The following RFX2 variants were observed in gnomAD, a reference collection of about 807,000 sequenced individuals.
RFX2 encodes the protein DNA-binding protein RFX2.
In RFX2, 20 loss-of-function variants were observed where a neutral mutation model predicts 87.8. That is an observed-to-expected ratio of 0.23 (90% CI 0.16 to 0.33). The LOEUF (loss-of-function observed/expected upper bound fraction) is 0.33, where lower values mean the gene tolerates loss of function less well. Ranked by LOEUF, RFX2 falls within the 10% of genes least tolerant of loss-of-function variation. RFX2 has a pLI of 1.00. For synonymous variants in RFX2, 397 were observed against 431.3 expected, an observed-to-expected ratio of 0.92 and a Z score of 0.98; for missense variants, 767 against 1,012.3, an observed-to-expected ratio of 0.76 and a Z score of 3.29.
At position 5,997,520 on chromosome 19, in the gene RFX2, G is replaced by C. The variant is rs1366720172; in HGVS notation, c.1860-307C>G. On this transcript the variant is annotated intron_variant, in intron 15 of 17. Coordinates refer to ENST00000303657, the MANE Select transcript of RFX2 (RefSeq NM_000635.4). This position sits in a 1 kb window ranked among gnomAD's most constrained non-coding sequence, Gnocchi z 4.2. ...GGAAACAACTGTGGCTGGTGCTAGC[G>C]CAGGCGCTAGATGGGATCTTAGCTG... 3 of 334,648 alleles carry C rather than the reference G, an allele frequency of 9.0e-6. No homozygotes were observed. Among genetic ancestry groups the C allele is most frequent in the Non-Finnish European group, 1.6e-5 (3 of 183,204 alleles). The allele number at this position is 334,648 out of a possible 1,614,324, so 20.7% of individuals were successfully genotyped here.
Position 5,997,051 on chromosome 19 carries a change from G to C in RFX2, c.2013+9C>G. ...AAGCCCCGGCCGTCCCACCCAGGAG[G>C]GTCCTCACCTCTCCCATCACAGCGA... On this transcript the variant is annotated intron_variant, in intron 16 of 17. Transcript: ENST00000303657. This position sits in a 1 kb window ranked among gnomAD's most constrained non-coding sequence, Gnocchi z 4.2. 6.2e-7 allele frequency: 1 copy of C among 1,606,462 alleles called. No individual in the cohort carries two copies. The highest frequency in any genetic ancestry group is 1.7e-5 in the Admixed American group (1 of 59,910).
intron 1 of RFX2, among the ~76,000 whole-genome samples, chr19:6,097,232 G>A (rs888125235): frequency 3.3e-5 from 5 of 152,136 alleles, no homozygotes; most frequent in Middle Eastern, 3.2e-3. Context: ...AAGAACGAGC[G>A]GTCCAGGCTA....
intron 1 of RFX2, among the ~76,000 whole-genome samples, chr19:6,087,136 C>T (rs1278281031): frequency 6.6e-6 from 1 of 152,062 alleles, no homozygotes; most frequent in Non-Finnish European, 1.5e-5. Flanking sequence ...GGGGACTGAG[C>T]ACAGGCAGAT....
At position 6,007,130 on chromosome 19, in the gene RFX2, G is replaced by T; in HGVS notation, c.1284C>A (p.Asp428Glu). ...CGCACTGACACAGGGAGATAAGCTT[G>T]TCCTTGGGCAGGACGGCGCCCTCGG... Reference protein sequence around the residue: ...EDPEGAVLPKDKLISLCQCDP... With the variant: ...EDPEGAVLPKEKLISLCQCDP... Residue 428 changes from aspartate to glutamate, a missense_variant, in exon 12 of 18, where the codon GAC (aspartate) becomes GAA (glutamate). Coordinates refer to ENST00000303657, the MANE Select transcript of RFX2 (RefSeq NM_000635.4). The surrounding 1 kb of genome is among the most constrained non-coding windows in gnomAD (Gnocchi z 8.2). 1 of 1,614,132 alleles carries T rather than the reference G, an allele frequency of 6.2e-7. No individual in the cohort carries two copies. Among genetic ancestry groups the T allele is most frequent in the South Asian group, 1.1e-5 (1 of 91,080 alleles).
At chr19:6,003,694 G>A (rs1465464087) in intron 13 of RFX2, among the ~76,000 whole-genome samples, 2 of 146,796 alleles carry the variant, frequency 1.4e-5, no homozygotes, top group African/African-American at 2.5e-5. Flanking sequence ...CAGGAGAATC[G>A]CTTGAACCCG....
In RFX2 at chr19:6,002,641, A is replaced by G. The variant is rs1483105538; in HGVS notation, c.1650+80T>C. ...CTCGGGGCAGGGGCCAGGTTGTGCC[A>G]CGGGCTCCACTTGGTGGGTTTGCTG... On this transcript the variant is annotated intron_variant, in intron 14 of 17. Transcript: ENST00000303657. The surrounding 1 kb of genome is among the most constrained non-coding windows in gnomAD (Gnocchi z 6.7). The G allele has an allele frequency of 6.4e-7, 1 of 1,556,554 alleles. No homozygotes were observed. The highest frequency in any genetic ancestry group is 8.8e-7 in the Non-Finnish European group (1 of 1,139,608).
intron 1 of RFX2, among the ~76,000 whole-genome samples, chr19:6,062,778 C>T (rs1188506603): frequency 6.6e-6 from 1 of 152,192 alleles, no homozygotes; most frequent in East Asian, 1.9e-4. Context: ...AGTAAGTGCT[C>T]TTCATTCATT....
In RFX2 at chr19:6,063,820, A is replaced by C. The variant is rs2087472966; in HGVS notation, c.-8-16316T>G. On this transcript the variant is annotated intron_variant, in intron 1 of 17. Transcript: ENST00000303657. This position sits in a 1 kb window ranked among gnomAD's most constrained non-coding sequence, Gnocchi z 4.0. The stretch of plus-strand genomic sequence containing the variant: ...GCCTCCACCCACTCCATGCCAGGAA[A>C]CCCCCCGACCCCTGTCTGACAGCCA... Among the ~76,000 whole-genome samples, 6 of 151,768 alleles carry C rather than the reference A, an allele frequency of 4.0e-5. No homozygotes were observed. The South Asian group carries it at 1.2e-3, about 32-fold the overall frequency.
Position 6,004,041 on chromosome 19 carries a change from C to T in RFX2, c.1500+160G>A, listed in dbSNP as rs1053151388. Among the ~76,000 whole-genome samples the T allele has an allele frequency of 7.9e-5, 12 of 152,122 alleles. No homozygotes were observed. The highest frequency in any genetic ancestry group is 2.2e-4 in the African/African-American group (9 of 41,438). ...GTTCCCCTTCCTGCCAGCACTGACG[C>T]GTCACCGGCAGTGTGCTCAGGGCTT... On this transcript the variant is annotated intron_variant, in intron 13 of 17. Transcript: ENST00000303657. This position sits in a 1 kb window ranked among gnomAD's most constrained non-coding sequence, Gnocchi z 4.8.
In RFX2 at chr19:5,998,176, C is replaced by T. The variant is rs1000125464; in HGVS notation, c.1860-963G>A. On this transcript the variant is annotated intron_variant, in intron 15 of 17. Coordinates refer to ENST00000303657, the MANE Select transcript of RFX2 (RefSeq NM_000635.4). This position sits in a 1 kb window ranked among gnomAD's most constrained non-coding sequence, Gnocchi z 4.2. The stretch of plus-strand genomic sequence containing the variant: ...TACAAAAATTAGTGAGGCATGGTGG[C>T]ACATGCCTGTAATCCCAGCTACTCG... Among the ~76,000 whole-genome samples the T allele has an allele frequency of 6.6e-6, 1 of 152,130 alleles. No homozygotes were observed.
chr19:6,081,193 T>C (rs2087778707), intron 1 of RFX2, among the ~76,000 whole-genome samples: 2 of 152,184 alleles, frequency 1.3e-5, no homozygotes, highest in Non-Finnish European at 1.5e-5. Context: ...AGACATTCAC[T>C]ACTTTAAAAA....
At chr19:6,008,375 C>CTT (rs112977122) in intron 9 of RFX2, 151 bp from the exon 10 acceptor site, 809 of 397,128 alleles carry the variant, frequency 2.0e-3, no homozygotes, top group Middle Eastern at 4.8e-3. Context: ...TTTTCTTTTT[C>CTT]TTTTTTTTTT....
In RFX2 at chr19:6,083,685, GCTCA is replaced by G. The variant is rs2087816863; in HGVS notation, c.-9+26704_-9+26707del. Among the ~76,000 whole-genome samples, 1 of 151,730 alleles carries G rather than the reference GCTCA, an allele frequency of 6.6e-6. No homozygotes were observed. Among genetic ancestry groups the G allele is most frequent in the Non-Finnish European group, 1.5e-5 (1 of 67,976 alleles). ...CTTCCAGAGCTCAAGTGATCCTCCT[GCTCA>G]GCTTCCCCAGAAGCTGAGACCACAG... On this transcript the variant is annotated intron_variant, in intron 1 of 17. Coordinates refer to ENST00000303657, the MANE Select transcript of RFX2 (RefSeq NM_000635.4). This position sits in a 1 kb window ranked among gnomAD's most constrained non-coding sequence, Gnocchi z 4.6.
chr19:6,002,021 C>G lies in RFX2; in HGVS notation c.1653G>C (p.Glu551Asp), dbSNP rs1232995697. ...CGCACTGGCACACCCACGAGGCCTG[C>G]TCCTGTGGGCAGGGCAGAGGCCAGT... ...LNRVDFANVQ[E>D]QASWVCQCEE... is the part of the protein sequence containing the mutation. The change falls in exon 15 of 18, where the codon GAG becomes GAC. Residue 551 changes from glutamate (E) to aspartate (D), a missense_variant and splice_region_variant. This residue lies in a region of RFX2 where 621 missense variants were observed against 873.0 expected (regional missense o/e 0.71). Transcript: ENST00000303657. This position sits in a 1 kb window ranked among gnomAD's most constrained non-coding sequence, Gnocchi z 6.7. The G allele has an allele frequency of 1.2e-6, 2 of 1,604,196 alleles. No individual in the cohort carries two copies. Among genetic ancestry groups the G allele is most frequent in the Non-Finnish European group, 1.7e-6 (2 of 1,176,490 alleles).
Position 6,074,433 on chromosome 19 carries a change from G to A in RFX2, c.-8-26929C>T, listed in dbSNP as rs2087657161. On this transcript the variant is annotated intron_variant, in intron 1 of 17. Coordinates refer to ENST00000303657, the MANE Select transcript of RFX2 (RefSeq NM_000635.4). This position sits in a 1 kb window ranked among gnomAD's most constrained non-coding sequence, Gnocchi z 5.2. ...ACCCCACACAGTGCCCTGGGTACAGGGGCTGGGGCTTGAAGGGTGCCCATA... is the reference window on the plus strand; with the variant it reads ...ACCCCACACAGTGCCCTGGGTACAGAGGCTGGGGCTTGAAGGGTGCCCATA... 6.6e-6 allele frequency among the ~76,000 whole-genome samples: 1 copy of A among 152,158 alleles called. No homozygotes were observed. The highest frequency in any genetic ancestry group is 1.5e-5 in the Non-Finnish European group (1 of 68,028).
intron 6 of RFX2, among the ~76,000 whole-genome samples, chr19:6,019,585 G>GATATAT (rs141504032): frequency 0.016 from 2,126 of 129,398 alleles, 91 homozygotes; most frequent in African/African-American, 0.063. Context: ...TAGAGACAGG[G>GATATAT]ATATATATAT....
At chr19:6,078,613 TA>T (rs1257895003) in intron 1 of RFX2, among the ~76,000 whole-genome samples, 2 of 152,132 alleles carry the variant, frequency 1.3e-5, no homozygotes, top group African/African-American at 4.8e-5. Context: ...ATAAAATAGG[TA>T]AAGGGGCCTT....
At chr19:6,058,455 A>C (rs1162894220) in intron 1 of RFX2, among the ~76,000 whole-genome samples, 1 of 152,238 alleles carries the variant, frequency 6.6e-6, no homozygotes, top group Non-Finnish European at 1.5e-5. Flanking sequence ...CAATTCAGCC[A>C]GGCAAGGAGT....
At chr19:6,098,329 T>C (rs567903369) in intron 1 of RFX2, among the ~76,000 whole-genome samples, 3 of 152,180 alleles carry the variant, frequency 2.0e-5, no homozygotes, top group East Asian at 3.9e-4. Flanking sequence ...GGGGCTACAT[T>C]GCGGGAACTT....
Sources: gnomAD v4.1 joint callset for allele counts (sites outside exome capture counted in the v4.1 genomes callset) on GRCh38, gnomAD v4.1.1 for gene constraint, gnomAD v4.1.1 regional missense constraint, Gnocchi (gnomAD v3.1) non-coding constraint, MANE v1.5 for transcripts, NCBI Gene and HGNC (gene_info 2026-07-23, HGNC 2026-07-21) for gene names.